EXD3: variants seen among roughly 807,000 people sequenced by gnomAD.
EXD3 encodes exonuclease mut-7 homolog.
EXD3 carries 92 observed loss-of-function variants against 98.0 expected under a neutral mutation model. That is an observed-to-expected ratio of 0.94 (90% CI 0.79 to 1.12). The LOEUF (loss-of-function observed/expected upper bound fraction) is 1.12. Among genes scored for constraint, EXD3 ranks in the 50% most tolerant of loss-of-function variants. The pLI is 0.00. For missense variants in EXD3, 1,222 were observed against 1,191.6 expected, an observed-to-expected ratio of 1.03 and a Z score of -0.38; for synonymous variants, 569 against 526.0, an observed-to-expected ratio of 1.08 and a Z score of -1.12.
At chr9:137,400,044 A>AAAG in intron 1 of EXD3, among the ~76,000 whole-genome samples, 1 of 151,420 alleles carries the variant, frequency 6.6e-6, no homozygotes, top group African/African-American at 2.4e-5. Context: ...AAAAAAAAAA[A>AAAG]AAAAGAAAAT....
At position 137,349,165 on chromosome 9, in the gene EXD3, C is replaced by T; in HGVS notation, c.1775G>A (p.Gly592Glu). 1 of 1,595,186 alleles carries T rather than the reference C, an allele frequency of 6.3e-7. No homozygotes were observed. ...SRRPRHRERP[G>E]ARKPPGLQKA... is the part of the protein sequence containing the mutation. The stretch of plus-strand genomic sequence containing the variant: ...CTGCAGGCCGGGTGGCTTCCGTGCC[C>T]CTGGTCTCTCTCTGTGCCTGGGCCT... Residue 592 changes from glycine to glutamate, a missense_variant, in exon 16 of 22, where the codon GGG (glycine) becomes GAG (glutamate). Transcript: ENST00000340951. This position sits in a 1 kb window ranked among gnomAD's most constrained non-coding sequence, Gnocchi z 7.4.
intron 19 of EXD3, among the ~76,000 whole-genome samples, chr9:137,312,412 G>A (rs771304119): frequency 2.6e-5 from 4 of 152,152 alleles, no homozygotes; most frequent in African/African-American, 4.8e-5. Context: ...TGCCAACAGC[G>A]CCGTGCCAGC....
At chr9:137,328,100 CAACT>C (rs1401123445) in intron 17 of EXD3, among the ~76,000 whole-genome samples, 1 of 149,956 alleles carries the variant, frequency 6.7e-6, no homozygotes, top group East Asian at 2.0e-4. Context: ...TGAGTAAAAA[CAACT>C]AATATACACC....
At position 137,352,227 on chromosome 9, in the gene EXD3, C is replaced by A. The variant is rs778527104; in HGVS notation, c.1038-26G>T. On this transcript the variant is annotated intron_variant, in intron 11 of 21. Transcript: ENST00000340951. ...CTGGGAGGAGCAGAGCTGGTAGCGC[C>A]CCCATGTCCCTGGTCCCCCACCCAC... The A allele has an allele frequency of 8.1e-6, 13 of 1,611,770 alleles. No individual in the cohort carries two copies. In the South Asian group the frequency reaches 1.4e-4, roughly 18 times the overall value.
chr9:137,307,340 T>A, intron 21 of EXD3, 77 bp from the exon 22 acceptor site: 1 of 1,436,494 alleles, frequency 7.0e-7, no homozygotes, highest in South Asian at 1.5e-5. Context: ...AGTGGTGCAG[T>A]TGGCGGCCCA....
chr9:137,308,781 C>A (rs1038020771), intron 20 of EXD3, among the ~76,000 whole-genome samples: 1 of 152,014 alleles, frequency 6.6e-6, no homozygotes, highest in African/African-American at 2.4e-5. Flanking sequence ...GGACCACAGG[C>A]GTGTGCCACC....
chr9:137,375,169 T>C (rs373024280), intron 3 of EXD3, among the ~76,000 whole-genome samples: 4 of 152,178 alleles, frequency 2.6e-5, no homozygotes, highest in Non-Finnish European at 4.4e-5. Context: ...CCACCATGCC[T>C]GGCTAATTTT....
intron 3 of EXD3, among the ~76,000 whole-genome samples, chr9:137,382,141 TGAGGGCGCGGGGAGGAGGTGGGAGCATGC>T (rs1836336496): frequency 9.1e-6 from 1 of 110,262 alleles, no homozygotes. Flanking sequence ...GGGGAGGAGG[TGAGGGCGCGGGGAGGAGGTGGGAGCATGC>T]GGAGGAGGTG....
In EXD3 at chr9:137,414,109, GT is replaced by G. The variant is rs555914114; in HGVS notation, c.-48+9004del. Among the ~76,000 whole-genome samples, 52 of 152,054 alleles carry G rather than the reference GT, an allele frequency of 3.4e-4. 1 individual carries two copies. In the South Asian group the frequency reaches 0.01, roughly 30 times the overall value. On this transcript the variant is annotated intron_variant, in intron 1 of 21. Transcript: ENST00000340951. ...TTTTTGTATTTTTAGTAGAGACGGG[GT>G]TTCACTGTGTGTTAGCCAGGATGGT...
intron 7 of EXD3, among the ~76,000 whole-genome samples, chr9:137,358,331 G>A (rs1017981845): frequency 1.3e-5 from 2 of 152,166 alleles, no homozygotes; most frequent in African/African-American, 4.8e-5. Flanking sequence ...TCTCACCTGT[G>A]TCCTCCTGGT....
At chr9:137,366,388 G>A (rs941588068) in intron 7 of EXD3, 105 bp downstream of exon 7, 48 of 1,457,262 alleles carry the variant, frequency 3.3e-5, no homozygotes, top group Non-Finnish European at 4.5e-5. Flanking sequence ...AGAACTTCCT[G>A]GGGAGAGCTC....
intron 19 of EXD3, among the ~76,000 whole-genome samples, chr9:137,316,050 C>T (rs545538333): frequency 0.015 from 2,174 of 147,480 alleles, 27 homozygotes; most frequent in Non-Finnish European, 0.02. Flanking sequence ...AGAGCTTCCC[C>T]TCCCCCCTCG....
At chr9:137,402,079 G>C (rs1588427364) in intron 1 of EXD3, among the ~76,000 whole-genome samples, 1 of 151,498 alleles carries the variant, frequency 6.6e-6, no homozygotes, top group East Asian at 1.9e-4. Flanking sequence ...GCAGTGGTGT[G>C]ATCTCGGCTC....
chr9:137,411,883 C>T (rs1048506435), intron 1 of EXD3, among the ~76,000 whole-genome samples: 1 of 152,226 alleles, frequency 6.6e-6, no homozygotes, highest in African/African-American at 2.4e-5. Flanking sequence ...CGCCAGGTCA[C>T]GCTTCCTCTG....
At position 137,365,601 on chromosome 9, in the gene EXD3, ATG is replaced by A. The variant is rs768817261; in HGVS notation, c.656+890_656+891del. The A allele has an allele frequency of 4.1e-4, 60 of 146,336 alleles. 1 individual carries two copies. The highest frequency in any genetic ancestry group is 3.7e-3 in the East Asian group (17 of 4,580). The allele number at this position is 146,336 out of a possible 1,614,324, so 9.1% of individuals were successfully genotyped here. A position where few individuals can be genotyped will look rare whatever the true frequency, so the allele number is the denominator to read the frequency against. The stretch of plus-strand genomic sequence containing the variant: ...CACACACAGGTACACACGCACACAC[ATG>A]CACACACACGCACACCTGCAGGCAC... On this transcript the variant is annotated intron_variant, in intron 7 of 21. Transcript: ENST00000340951.
chr9:137,413,503 C>CT (rs768508083), intron 1 of EXD3, among the ~76,000 whole-genome samples: 1,674 of 128,734 alleles, frequency 0.013, 47 homozygotes, highest in African/African-American at 0.036. Flanking sequence ...CCTGGCCTAG[C>CT]TTTTTTTTTT....
intron 2 of EXD3, among the ~76,000 whole-genome samples, chr9:137,391,295 C>T (rs1211852344): frequency 6.6e-6 from 1 of 152,242 alleles, no homozygotes; most frequent in Admixed American, 6.5e-5. Flanking sequence ...CCCTGTTCAC[C>T]GCCGTGTCCA....
In EXD3 at chr9:137,371,896, C is replaced by T. The variant is rs1205029533; in HGVS notation, c.462+1009G>A. 1.3e-5 allele frequency among the ~76,000 whole-genome samples: 2 copies of T among 152,048 alleles called. No individual in the cohort carries two copies. The highest frequency in any genetic ancestry group is 4.8e-5 in the African/African-American group (2 of 41,404). On this transcript the variant is annotated intron_variant, in intron 5 of 21. Coordinates refer to ENST00000340951, the MANE Select transcript of EXD3 (RefSeq NM_017820.5). This position sits in a 1 kb window ranked among gnomAD's most constrained non-coding sequence, Gnocchi z 8.0. Reference sequence around the variant, plus strand: ...CTGCACCTGCAGGAACAGCTCAGAGCCACCCCACGCAAGACGGCCGCCTCC... The same window carrying T: ...CTGCACCTGCAGGAACAGCTCAGAGTCACCCCACGCAAGACGGCCGCCTCC...
At chr9:137,340,674 T>C (rs1438013821) in intron 17 of EXD3, among the ~76,000 whole-genome samples, 1 of 151,982 alleles carries the variant, frequency 6.6e-6, no homozygotes, top group African/African-American at 2.4e-5. Context: ...ACCACAGGTG[T>C]GCACCACCAT....
Sources: gnomAD v4.1 joint callset for allele counts (sites outside exome capture counted in the v4.1 genomes callset) on GRCh38, gnomAD v4.1.1 for gene constraint, Gnocchi (gnomAD v3.1) non-coding constraint, MANE v1.5 for transcripts, NCBI Gene and HGNC (gene_info 2026-07-23, HGNC 2026-07-21) for gene names.